The following KLKB1 variants were observed in gnomAD, a reference collection of about 807,000 sequenced individuals.
The protein encoded by KLKB1 is plasma kallikrein.
KLKB1 carries 58 observed loss-of-function variants against 73.6 expected under a neutral mutation model. The ratio of observed to expected loss-of-function variants is 0.79; its 90% CI spans 0.64 to 0.98. The LOEUF (loss-of-function observed/expected upper bound fraction) is 0.98. Ranked by LOEUF, KLKB1 falls within the 50% of genes least tolerant of loss-of-function variation. The probability of loss-of-function intolerance (pLI) is 0.00; values close to 1 mark genes in which losing one functional copy is unlikely to be tolerated. For synonymous variants in KLKB1, 280 were observed against 258.1 expected (o/e 1.08, Z -0.81); for missense variants, 737 against 763.8 (o/e 0.96, Z 0.41).
At chr4:186,230,085 A>G (rs974331858) in intron 2 of KLKB1, among the ~76,000 whole-genome samples, 5 of 152,180 alleles carry the variant, frequency 3.3e-5, no homozygotes, top group Non-Finnish European at 7.3e-5. Flanking sequence ...CACTGATGCT[A>G]TCAGTTGAGC....
At chr4:186,212,133 C>T (rs964824683) in intron 2 of KLKB1, 6 of 152,118 alleles carry the variant, frequency 3.9e-5, no homozygotes, top group South Asian at 2.1e-4. Flanking sequence ...GCTGGAAATA[C>T]GTAGAGATCT....
intron 6 of KLKB1, among the ~76,000 whole-genome samples, chr4:186,244,698 T>A (rs1279867914): frequency 6.6e-6 from 1 of 152,192 alleles, no homozygotes; most frequent in Non-Finnish European, 1.5e-5. Context: ...ATTTGGTTAA[T>A]GAGGCACAGA....
At chr4:186,217,966 T>C (rs936788190) in intron 2 of KLKB1, among the ~76,000 whole-genome samples, 3 of 152,164 alleles carry the variant, frequency 2.0e-5, no homozygotes, top group Non-Finnish European at 4.4e-5. Flanking sequence ...ATCTGTAGAG[T>C]CAGATAGTAA....
chr4:186,246,080 T>C (rs1016886613), intron 6 of KLKB1, among the ~76,000 whole-genome samples: 1 of 151,794 alleles, frequency 6.6e-6, no homozygotes, highest in African/African-American at 2.4e-5. Flanking sequence ...AAGAGGAAAT[T>C]GTTGGGCAGG....
At chr4:186,219,246 A>C (rs530156681) in intron 2 of KLKB1, among the ~76,000 whole-genome samples, 5 of 152,280 alleles carry the variant, frequency 3.3e-5, no homozygotes, top group South Asian at 4.1e-4. Flanking sequence ...AATACTTGGC[A>C]TCCTTCAATC....
intron 2 of KLKB1, chr4:186,213,266 T>A (rs958749507): frequency 2.6e-5 from 4 of 152,212 alleles, no homozygotes; most frequent in Non-Finnish European, 4.4e-5. Flanking sequence ...TATAAGAAGA[T>A]GATCAAGGTT....
intron 2 of KLKB1, among the ~76,000 whole-genome samples, chr4:186,230,506 A>T (rs1380458357): frequency 6.6e-6 from 1 of 152,246 alleles, no homozygotes; most frequent in African/African-American, 2.4e-5. Context: ...CACCATCATT[A>T]TGAGATAAAT....
intron 2 of KLKB1, among the ~76,000 whole-genome samples, chr4:186,217,385 T>C (rs1736931031): frequency 6.6e-6 from 1 of 152,178 alleles, no homozygotes; most frequent in South Asian, 2.1e-4. Flanking sequence ...TGGAGAGATT[T>C]GTTGACTACT....
intron 12 of KLKB1, among the ~76,000 whole-genome samples, 181 bp downstream of exon 12, chr4:186,254,944 T>C (rs1738912394): frequency 6.6e-6 from 1 of 152,152 alleles, no homozygotes; most frequent in South Asian, 2.1e-4. Context: ...TCTCTTCTAC[T>C]TAAAGAGCAA....
At chr4:186,247,414 G>T (rs1019009522) in intron 6 of KLKB1, among the ~76,000 whole-genome samples, 1 of 151,690 alleles carries the variant, frequency 6.6e-6, no homozygotes, top group Non-Finnish European at 1.5e-5. Context: ...GGGCAGGGGT[G>T]GGGGGTCACA....
Position 186,251,738 on chromosome 4 carries a change from A to C in KLKB1, c.1032-11A>C. ...TGAAGGCTTACTCTTTCTACTGTTC[A>C]TTTCATCTAGGTGTAAGTGTTTCTT... On this transcript the variant is annotated splice_polypyrimidine_tract_variant and intron_variant, in intron 9 of 14. Coordinates refer to ENST00000264690, the MANE Select transcript of KLKB1 (RefSeq NM_000892.5). 2 of 1,609,336 alleles carry C rather than the reference A, an allele frequency of 1.2e-6. No homozygotes were observed. The highest frequency in any genetic ancestry group is 1.7e-6 in the Non-Finnish European group (2 of 1,175,678).
intron 5 of KLKB1, among the ~76,000 whole-genome samples, chr4:186,238,025 T>C (rs935560312): frequency 1.3e-5 from 2 of 152,164 alleles, no homozygotes; most frequent in African/African-American, 4.8e-5. Flanking sequence ...GCCTTGCTTA[T>C]AGAATGAGGG....
chr4:186,228,121 A>ATT, intron 1 of KLKB1, 74 bp from the exon 2 acceptor site: 1 of 873,014 alleles, frequency 1.1e-6, no homozygotes, highest in Non-Finnish European at 1.9e-6. Flanking sequence ...AAGAAAATCT[A>ATT]AATCACCTTA....
intron 6 of KLKB1, among the ~76,000 whole-genome samples, chr4:186,246,642 A>G (rs191918564): frequency 4.6e-5 from 7 of 151,076 alleles, no homozygotes; most frequent in East Asian, 1.9e-4. Flanking sequence ...AAGGGAGAAG[A>G]AGGAGGAATG....
chr4:186,231,122 T>C (rs545238513), intron 2 of KLKB1, among the ~76,000 whole-genome samples: 1 of 152,118 alleles, frequency 6.6e-6, no homozygotes, highest in Non-Finnish European at 1.5e-5. Context: ...CTCCAGTGCT[T>C]AATAAAATGC....
chr4:186,245,802 G>GTTGTTT (rs1738299292), intron 6 of KLKB1, among the ~76,000 whole-genome samples: 4 of 54,884 alleles, frequency 7.3e-5, no homozygotes, highest in African/African-American at 1.7e-4. Context: ...AATTTTTGGA[G>GTTGTTT]TTTTTTTTTG....
chr4:186,240,636 G>C (rs1737984003), intron 6 of KLKB1, among the ~76,000 whole-genome samples: 1 of 152,138 alleles, frequency 6.6e-6, no homozygotes, highest in South Asian at 2.1e-4. Context: ...CTGGCTCTGT[G>C]CCTGGCCCTG....
chr4:186,239,838 G>A (rs573308072), intron 6 of KLKB1, among the ~76,000 whole-genome samples: 1 of 150,910 alleles, frequency 6.6e-6, no homozygotes, highest in African/African-American at 2.4e-5. Context: ...TACTGTTATA[G>A]TTATAGGACA....
chr4:186,224,970 G>A (rs1737121190), upstream of KLKB1, among the ~76,000 whole-genome samples: 1 of 152,022 alleles, frequency 6.6e-6, no homozygotes, highest in Non-Finnish European at 1.5e-5. Context: ...TGATAGTGAG[G>A]GATTTAAAAG....
Sources: gnomAD v4.1 joint callset for allele counts (sites outside exome capture counted in the v4.1 genomes callset) on GRCh38, gnomAD v4.1.1 for gene constraint, MANE v1.5 for transcripts, NCBI Gene and HGNC (gene_info 2026-07-23, HGNC 2026-07-21) for gene names.